The following DOCK7 variants were observed in gnomAD, a reference collection of about 807,000 sequenced individuals.
DOCK7 encodes dedicator of cytokinesis protein 7.
DOCK7 carries 138 observed loss-of-function variants against 271.0 expected under a neutral mutation model. The observed-to-expected ratio is 0.51, with a 90% CI of 0.44 to 0.59. DOCK7 has a LOEUF of 0.59. DOCK7 is among the 20% of genes least tolerant of loss of function. DOCK7 has a pLI of 0.00. For synonymous variants in DOCK7, 823 were observed against 876.1 expected (o/e 0.94, Z 1.07); for missense variants, 2,066 against 2,592.4 (o/e 0.80, Z 4.41).
intron 14 of DOCK7, chr1:62,604,415 C>A: frequency 1.1e-6 from 1 of 896,344 alleles, no homozygotes; most frequent in Non-Finnish European, 1.7e-6. Context: ...AGGTATTTTA[C>A]CTCTAATCTT....
chr1:62,641,630 T>G, intron 7 of DOCK7: 1 of 463,440 alleles, frequency 2.2e-6, no homozygotes. Context: ...GATCACCACC[T>G]TCCAGCCCAG....
At chr1:62,490,477 C>T (rs764995376) in intron 41 of DOCK7, among the ~76,000 whole-genome samples, 3 of 152,132 alleles carry the variant, frequency 2.0e-5, no homozygotes, top group African/African-American at 7.2e-5. Flanking sequence ...GAGTCCTCAT[C>T]GGTTCACAGA....
chr1:62,475,813 C>T lies in DOCK7; in HGVS notation c.5855G>A (p.Arg1952His), dbSNP rs149407043. Reference sequence around the variant, plus strand: ...TTGTTCATGAAGTTCCCCATGGGCACGGCCATCTAAAGTAAAGGGTGTACA... The same window carrying T: ...TTGTTCATGAAGTTCCCCATGGGCATGGCCATCTAAAGTAAAGGGTGTACA... ...MYCTPFTLDG[R>H]AHGELHEQFK... Residue 1952 changes from arginine to histidine, a missense_variant, in exon 46 of 50, where the codon CGT (arginine) becomes CAT (histidine). Physicochemically the swap from Arg to His is conservative, Grantham distance 29. Coordinates refer to ENST00000635253, the MANE Select transcript of DOCK7 (RefSeq NM_001367561.1). The T allele has an allele frequency of 1.7e-5, 28 of 1,614,012 alleles. No individual in the cohort carries two copies. The highest frequency in any genetic ancestry group is 4.0e-5 in the African/African-American group (3 of 75,024).
chr1:62,474,149 A>G (rs1182686610), intron 47 of DOCK7, 61 bp from the exon 48 acceptor site: 2 of 1,390,898 alleles, frequency 1.4e-6, no homozygotes, highest in Admixed American at 1.9e-5. Flanking sequence ...CAGAGACAGA[A>G]TTTACTCAAA....
At chr1:62,563,915 G>A (rs1308189840) in intron 18 of DOCK7, among the ~76,000 whole-genome samples, 2 of 126,282 alleles carry the variant, frequency 1.6e-5, no homozygotes, top group African/African-American at 3.0e-5. Flanking sequence ...GGCAGGCGTT[G>A]TAATCCTAGT....
intron 44 of DOCK7, chr1:62,477,177 T>G (rs1057110628): frequency 1.3e-5 from 2 of 152,124 alleles, no homozygotes; most frequent in Admixed American, 6.5e-5. Context: ...CAGAAAATAC[T>G]AGTTAGCCCA....
Position 62,528,300 on chromosome 1 carries a change from G to T in DOCK7, c.3787C>A (p.His1263Asn). ...CAAATTGGTCTTCCTCGTTGATTGT[G>T]AGTTTCTAAAGAAAAATAATCCAAA... ...VPQLYDFTET[H>N]NQRGRPICIA... Residue 1263 changes from histidine (H) to asparagine (N), a missense_variant, in exon 31 of 50, where the codon CAC becomes AAC. His to Asn is a moderately conservative substitution (Grantham distance 68). Transcript: ENST00000635253. The T allele has an allele frequency of 6.2e-7, 1 of 1,607,504 alleles. No individual in the cohort carries two copies. The highest frequency in any genetic ancestry group is 8.5e-7 in the Non-Finnish European group (1 of 1,177,190).
chr1:62,477,886 C>T (rs189715794), intron 43 of DOCK7, 61 bp from the exon 44 acceptor site: 3 of 1,495,826 alleles, frequency 2.0e-6, no homozygotes, highest in Non-Finnish European at 2.7e-6. Flanking sequence ...CTGTTTTTCA[C>T]ATTATGTTTA....
At chr1:62,549,363 T>A (rs1335162278) in intron 22 of DOCK7, among the ~76,000 whole-genome samples, 1 of 152,134 alleles carries the variant, frequency 6.6e-6, no homozygotes, top group Admixed American at 6.6e-5. Flanking sequence ...AATATTTGAC[T>A]GAAGTAGAGA....
chr1:62,549,535 A>G (rs769639812), intron 22 of DOCK7, among the ~76,000 whole-genome samples: 6 of 152,200 alleles, frequency 3.9e-5, no homozygotes, highest in Non-Finnish European at 7.4e-5. Context: ...CATAGTAGAC[A>G]TATGTATTTA....
intron 2 of DOCK7, among the ~76,000 whole-genome samples, chr1:62,654,971 A>T (rs544957423): frequency 3.3e-5 from 5 of 152,344 alleles, no homozygotes; most frequent in Admixed American, 1.3e-4. Flanking sequence ...AAGAAAGCAC[A>T]GCCCTGCCAA....
chr1:62,600,465 G>A (rs1649944750), intron 14 of DOCK7, among the ~76,000 whole-genome samples: 1 of 151,658 alleles, frequency 6.6e-6, no homozygotes, highest in Non-Finnish European at 1.5e-5. Context: ...TATATATTCT[G>A]CTTTTCTTAC....
At chr1:62,488,738 C>A in intron 42 of DOCK7, 196 bp downstream of exon 42, 1 of 692,356 alleles carries the variant, frequency 1.4e-6, no homozygotes, top group South Asian at 1.6e-5. Flanking sequence ...ATGATGATCA[C>A]CATTTACTTT....
chr1:62,553,915 A>T (rs1175385123), intron 21 of DOCK7, among the ~76,000 whole-genome samples: 1 of 151,576 alleles, frequency 6.6e-6, no homozygotes, highest in Non-Finnish European at 1.5e-5. Context: ...TTCGGACCCA[A>T]GATGCTCCAG....
At chr1:62,525,489 C>G (rs1260505424) in intron 31 of DOCK7, among the ~76,000 whole-genome samples, 1 of 151,944 alleles carries the variant, frequency 6.6e-6, no homozygotes, top group Non-Finnish European at 1.5e-5. Flanking sequence ...TTTAAAACCT[C>G]ATTATGTTTT....
chr1:62,511,839 C>T lies in DOCK7; in HGVS notation c.4283-1166G>A, dbSNP rs565925191. Among the ~76,000 whole-genome samples, 65 of 151,874 alleles carry T rather than the reference C, an allele frequency of 4.3e-4. 1 individual carries two copies. Among genetic ancestry groups the T allele is most frequent in the African/African-American group, 1.1e-3 (47 of 41,478 alleles). Reference sequence around the variant, plus strand: ...ATTCTATCATTTACATTTTTTCCCACGAAACTCTCAATAGTTAATAATGTC... The same window carrying T: ...ATTCTATCATTTACATTTTTTCCCATGAAACTCTCAATAGTTAATAATGTC... On this transcript the variant is annotated intron_variant, in intron 33 of 49. Transcript: ENST00000635253.
At chr1:62,493,730 T>G (rs963249980) in intron 40 of DOCK7, among the ~76,000 whole-genome samples, 1 of 152,212 alleles carries the variant, frequency 6.6e-6, no homozygotes, top group African/African-American at 2.4e-5. Context: ...TAACTAAATT[T>G]TATAATATCT....
chr1:62,591,820 T>C (rs944247848), intron 14 of DOCK7, among the ~76,000 whole-genome samples: 2 of 152,190 alleles, frequency 1.3e-5, no homozygotes, highest in African/African-American at 4.8e-5. Context: ...GAATCTATAA[T>C]TATCTTGTTC....
intron 14 of DOCK7, among the ~76,000 whole-genome samples, chr1:62,614,332 G>C (rs1447455805): frequency 6.6e-6 from 1 of 150,452 alleles, no homozygotes; most frequent in African/African-American, 2.4e-5. Context: ...TAAGGTTTTT[G>C]TTTTTTTTTA....
Sources: gnomAD v4.1 joint callset for allele counts (sites outside exome capture counted in the v4.1 genomes callset) on GRCh38, gnomAD v4.1.1 for gene constraint, MANE v1.5 for transcripts, NCBI Gene and HGNC (gene_info 2026-07-23, HGNC 2026-07-21) for gene names.